Variants in MCF2L2 observed in about 807,000 individuals in gnomAD.
MCF2L2 encodes probable guanine nucleotide exchange factor MCF2L2.
In MCF2L2, 102 loss-of-function variants were observed where a neutral mutation model predicts 150.2. The ratio of observed to expected loss-of-function variants is 0.68; its 90% CI spans 0.58 to 0.80. The LOEUF (loss-of-function observed/expected upper bound fraction) is 0.80, where lower values mean the gene tolerates loss of function less well. Ranked by LOEUF, MCF2L2 falls within the 30% of genes least tolerant of loss-of-function variation. MCF2L2 has a pLI of 0.00. For synonymous variants in MCF2L2, 465 were observed against 491.3 expected (o/e 0.95, Z 0.71); for missense variants, 1,256 against 1,372.8 (o/e 0.91, Z 1.34).
intron 15 of MCF2L2, among the ~76,000 whole-genome samples, chr3:183,268,329 A>G (rs1308005100): frequency 6.6e-6 from 1 of 152,222 alleles, no homozygotes; most frequent in African/African-American, 2.4e-5. Context: ...AAAAGAGCTC[A>G]GTTTGTCTCG....
intron 1 of MCF2L2, among the ~76,000 whole-genome samples, chr3:183,410,212 A>G (rs1219190910): frequency 6.6e-6 from 1 of 152,208 alleles, no homozygotes; most frequent in Non-Finnish European, 1.5e-5. Flanking sequence ...CACATCTCAT[A>G]TGAAGCTTTT....
chr3:183,179,769 C>G lies in MCF2L2; in HGVS notation c.3106-77G>C. 1 of 1,322,260 alleles carries G rather than the reference C, an allele frequency of 7.6e-7. No individual in the cohort carries two copies. The highest frequency in any genetic ancestry group is 2.3e-5 in the East Asian group (1 of 43,192). The allele number at this position is 1,322,260 out of a possible 1,614,324, so 81.9% of individuals were successfully genotyped here. Reference sequence around the variant, plus strand: ...CCAGACCGGGCAAGGTGGTGACTCCCGCTGGCAGGCTGAGGCCCACCCCAG... The same window carrying G: ...CCAGACCGGGCAAGGTGGTGACTCCGGCTGGCAGGCTGAGGCCCACCCCAG... On this transcript the variant is annotated intron_variant, in intron 28 of 29. Transcript: ENST00000328913. This position sits in a 1 kb window ranked among gnomAD's most constrained non-coding sequence, Gnocchi z 4.2.
chr3:183,257,811 GT>G (rs1291758588), intron 15 of MCF2L2, among the ~76,000 whole-genome samples: 1 of 151,652 alleles, frequency 6.6e-6, no homozygotes, highest in African/African-American at 2.4e-5. Flanking sequence ...CCTTTTTTCC[GT>G]TTTTTCCCTT....
chr3:183,262,156 G>T (rs12631739), intron 15 of MCF2L2, among the ~76,000 whole-genome samples: 2 of 109,640 alleles, frequency 1.8e-5, no homozygotes, highest in Admixed American at 7.9e-5. Flanking sequence ...TACACTAAGG[G>T]TTAGTCTTGT....
chr3:183,329,375 C>CG (rs1007329926), intron 5 of MCF2L2, among the ~76,000 whole-genome samples: 3 of 152,038 alleles, frequency 2.0e-5, no homozygotes, highest in African/African-American at 7.2e-5. Flanking sequence ...TTAGTAGAGA[C>CG]GGGGTTTCAC....
At chr3:183,310,644 C>T in intron 9 of MCF2L2, 1 of 354,872 alleles carries the variant, frequency 2.8e-6, no homozygotes, top group African/African-American at 2.2e-5. Context: ...GCCGGAGTGA[C>T]AGAGCAAGAC....
At chr3:183,300,319 C>T in intron 10 of MCF2L2, 123 bp from the exon 11 acceptor site, 1 of 856,708 alleles carries the variant, frequency 1.2e-6, no homozygotes, top group Non-Finnish European at 1.7e-6. Context: ...AGGATGAAGG[C>T]TGGAGAACCT....
intron 15 of MCF2L2, among the ~76,000 whole-genome samples, chr3:183,232,119 C>T (rs1723585057): frequency 6.6e-6 from 1 of 152,178 alleles, no homozygotes; most frequent in African/African-American, 2.4e-5. Flanking sequence ...AAAGATTCAA[C>T]ACAAAGGAGA....
chr3:183,269,489 C>CT, intron 15 of MCF2L2: 1 of 277,060 alleles, frequency 3.6e-6, no homozygotes, highest in Non-Finnish European at 6.7e-6. Flanking sequence ...CTCTTCTTGA[C>CT]TGTGATAGGT....
At chr3:183,372,183 C>T (rs1317838236) in intron 3 of MCF2L2, 1 of 152,080 alleles carries the variant, frequency 6.6e-6, no homozygotes, top group Non-Finnish European at 1.5e-5. Context: ...AGATTGCACT[C>T]ACTTCTCTGA....
chr3:183,376,218 C>T (rs922762484), intron 3 of MCF2L2: 6 of 152,234 alleles, frequency 3.9e-5, no homozygotes, highest in Admixed American at 3.3e-4. Context: ...GGGGTGATAA[C>T]CCTGCCTGCT....
intron 11 of MCF2L2, 197 bp from the exon 12 acceptor site, chr3:183,297,364 T>G: frequency 7.4e-5 from 38 of 516,264 alleles, no homozygotes; most frequent in East Asian, 1.0e-4. Flanking sequence ...AACCAGCTGA[T>G]ACCTGTCCAC....
chr3:183,241,911 T>C (rs1363838798), intron 15 of MCF2L2, among the ~76,000 whole-genome samples: 1 of 152,102 alleles, frequency 6.6e-6, no homozygotes, highest in Non-Finnish European at 1.5e-5. Flanking sequence ...CAGGCTGAGG[T>C]GGTCTCAGAT....
At chr3:183,418,673 T>G (rs1385316883) in intron 1 of MCF2L2, among the ~76,000 whole-genome samples, 1 of 152,112 alleles carries the variant, frequency 6.6e-6, no homozygotes, top group Non-Finnish European at 1.5e-5. Context: ...AATAGGACAG[T>G]CATTAAATAT....
At chr3:183,417,871 G>C (rs1216610204) in intron 1 of MCF2L2, among the ~76,000 whole-genome samples, 1 of 152,164 alleles carries the variant, frequency 6.6e-6, no homozygotes, top group Non-Finnish European at 1.5e-5. Context: ...TGGCAAGGGA[G>C]AGAGAGGGTG....
chr3:183,232,606 C>T (rs865937647), intron 15 of MCF2L2, among the ~76,000 whole-genome samples: 2 of 152,014 alleles, frequency 1.3e-5, no homozygotes, highest in East Asian at 3.9e-4. Flanking sequence ...TAAATGGCAG[C>T]CTCTCCTAGA....
intron 25 of MCF2L2, among the ~76,000 whole-genome samples, chr3:183,196,821 G>A (rs527253025): frequency 6.6e-6 from 1 of 152,194 alleles, no homozygotes; most frequent in Admixed American, 6.5e-5. Flanking sequence ...ACCACGTGCT[G>A]GGTCCTGGTT....
At position 183,199,608 on chromosome 3, in the gene MCF2L2, A is replaced by G. The variant is rs1239032724; in HGVS notation, c.2885-4353T>C. Among the ~76,000 whole-genome samples the G allele has an allele frequency of 4.6e-5, 7 of 150,834 alleles. No individual in the cohort carries two copies. The South Asian group carries it at 1.0e-3, about 22-fold the overall frequency. On this transcript the variant is annotated intron_variant, in intron 25 of 29. Transcript: ENST00000328913. Reference sequence around the variant, plus strand: ...TAGAAAATTTATTTTCAGAATATCGAAATTTTTTTTTCCTTTTTTTTTTTT... The same window carrying G: ...TAGAAAATTTATTTTCAGAATATCGGAATTTTTTTTTCCTTTTTTTTTTTT...
chr3:183,301,793 C>CAAAAAAAA lies in MCF2L2; in HGVS notation c.1114-1605_1114-1598dup, dbSNP rs200514561. ...CTGGGTGAGAGCTAGGCTCTGTCTCCAAAAAAAAAAAAAAAAGAGAAAAGA... is the reference window on the plus strand; with the variant it reads ...CTGGGTGAGAGCTAGGCTCTGTCTCCAAAAAAAAAAAAAAAAAAAAAAAAGAGAAAAGA... On this transcript the variant is annotated intron_variant, in intron 10 of 29. Transcript: ENST00000328913. Among the ~76,000 whole-genome samples, 17 of 124,344 alleles carry CAAAAAAAA rather than the reference C, an allele frequency of 1.4e-4. 1 individual carries two copies. In the East Asian group the frequency reaches 1.4e-3, roughly 10 times the overall value. 81.6% of individuals were successfully genotyped at this position (124,344 alleles called of 152,430 possible).
Sources: gnomAD v4.1 joint callset for allele counts (sites outside exome capture counted in the v4.1 genomes callset) on GRCh38, gnomAD v4.1.1 for gene constraint, Gnocchi (gnomAD v3.1) non-coding constraint, MANE v1.5 for transcripts, NCBI Gene and HGNC (gene_info 2026-07-23, HGNC 2026-07-21) for gene names.